The following SCGB2B2 variants were observed in gnomAD, a reference collection of about 807,000 sequenced individuals.
SCGB2B2 encodes the protein secretoglobin-like protein.
SCGB2B2 carries 11 observed loss-of-function variants against 7.6 expected under a neutral mutation model. The ratio of observed to expected loss-of-function variants is 1.45; its 90% CI spans 0.91 to 2.40. The LOEUF (loss-of-function observed/expected upper bound fraction) is 2.40. SCGB2B2 is among the 30% of genes most tolerant of loss of function. The pLI, the probability that SCGB2B2 is intolerant of heterozygous loss-of-function variation, is 0.00. For synonymous variants in SCGB2B2, 50 were observed against 48.6 expected (o/e 1.03, Z -0.12); for missense variants, 104 against 115.4 (o/e 0.90, Z 0.45).
intron 1 of SCGB2B2, among the ~76,000 whole-genome samples, chr19:34,642,956 G>A (rs1303155674): frequency 6.6e-6 from 1 of 152,116 alleles, no homozygotes; most frequent in African/African-American, 2.4e-5. Flanking sequence ...AGATACTATT[G>A]GTGGGAATGT....
intron 3 of SCGB2B2, 71 bp from the exon 4 acceptor site, chr19:34,593,670 C>T: frequency 2.3e-6 from 3 of 1,301,540 alleles, no homozygotes; most frequent in Middle Eastern, 2.1e-4. Flanking sequence ...TCGTTATTGC[C>T]CGGTCCCCGA....
intron 1 of SCGB2B2, among the ~76,000 whole-genome samples, chr19:34,667,037 C>T (rs1055788447): frequency 2.0e-5 from 3 of 152,146 alleles, no homozygotes; most frequent in Non-Finnish European, 4.4e-5. Context: ...AACACCACGA[C>T]CCCCGAGGAG....
intron 1 of SCGB2B2, among the ~76,000 whole-genome samples, chr19:34,621,659 A>ATTCT (rs1266048374): frequency 6.6e-6 from 1 of 152,264 alleles, no homozygotes; most frequent in Non-Finnish European, 1.5e-5. Flanking sequence ...TAAGCTGAGC[A>ATTCT]TTCTTTAAGA....
At chr19:34,611,524 T>C (rs1045348894) in intron 1 of SCGB2B2, among the ~76,000 whole-genome samples, 1 of 152,200 alleles carries the variant, frequency 6.6e-6, no homozygotes, top group African/African-American at 2.4e-5. Flanking sequence ...TCATCTGAAC[T>C]CTTTCTACTT....
At chr19:34,650,607 T>C (rs1056198057) in intron 1 of SCGB2B2, among the ~76,000 whole-genome samples, 1 of 151,330 alleles carries the variant, frequency 6.6e-6, no homozygotes, top group Non-Finnish European at 1.5e-5. Flanking sequence ...ATTAAATCTG[T>C]AATAAAATAT....
At chr19:34,636,291 C>T (rs757334829) in intron 1 of SCGB2B2, among the ~76,000 whole-genome samples, 1 of 152,058 alleles carries the variant, frequency 6.6e-6, no homozygotes, top group Non-Finnish European at 1.5e-5. Flanking sequence ...TGGGGGGCTA[C>T]GGGGGTTACA....
At chr19:34,649,588 C>T (rs2067110869) in intron 1 of SCGB2B2, among the ~76,000 whole-genome samples, 1 of 152,062 alleles carries the variant, frequency 6.6e-6, no homozygotes, top group African/African-American at 2.4e-5. Context: ...GTTGCTTATG[C>T]TTGTAATCCC....
chr19:34,617,468 A>G (rs2145876707), intron 1 of SCGB2B2, among the ~76,000 whole-genome samples: 1 of 151,192 alleles, frequency 6.6e-6, no homozygotes, highest in African/African-American at 2.4e-5. Flanking sequence ...GAGTTCACTC[A>G]TGATTTGGCT....
intron 1 of SCGB2B2, among the ~76,000 whole-genome samples, chr19:34,629,490 C>G (rs1025294373): frequency 2.6e-5 from 4 of 151,802 alleles, no homozygotes; most frequent in Non-Finnish European, 5.9e-5. Flanking sequence ...AAACAGAGAA[C>G]CAAATCGTGA....
intron 1 of SCGB2B2, among the ~76,000 whole-genome samples, chr19:34,674,623 T>A (rs2067877785): frequency 6.6e-6 from 1 of 152,106 alleles, no homozygotes; most frequent in South Asian, 2.1e-4. Context: ...TCACAGAGAA[T>A]TTAAGACACC....
chr19:34,617,010 A>T (rs1433892701), intron 1 of SCGB2B2, among the ~76,000 whole-genome samples: 1 of 152,036 alleles, frequency 6.6e-6, no homozygotes, highest in African/African-American at 2.4e-5. Flanking sequence ...ATGCGGCATT[A>T]TTTCTGAGGG....
At position 34,671,432 on chromosome 19, in the gene SCGB2B2, T is replaced by C. The variant is rs1293999154; in HGVS notation, c.-2032+4198A>G. Among the ~76,000 whole-genome samples the C allele has an allele frequency of 2.8e-5, 4 of 141,284 alleles. No individual in the cohort carries two copies. The South Asian group carries it at 6.8e-4, about 24-fold the overall frequency. 92.7% of individuals were successfully genotyped at this position (141,284 alleles called of 152,430 possible). ...CAGGCAATGTAATCGTTTAACTTTA[T>C]GCATCTTTTTCTTTTTTTTTTGCTA... On this transcript the variant is annotated intron_variant, in intron 1 of 3. Coordinates refer to ENST00000601241, the MANE Select transcript of SCGB2B2 (RefSeq NM_001025591.4).
intron 1 of SCGB2B2, among the ~76,000 whole-genome samples, chr19:34,610,638 A>G (rs1410434215): frequency 1.3e-5 from 2 of 152,134 alleles, no homozygotes; most frequent in African/African-American, 2.4e-5. Flanking sequence ...TTCATTCACA[A>G]TCCTTGTATT....
Position 34,676,048 on chromosome 19 carries a change from T to G in SCGB2B2, c.-2450A>C, listed in dbSNP as rs2067930769. ...CCCCAGCGCGGTTGCCGCTGGTTGT[T>G]CGGGTGGCCCGTTTTTATTCCCTTA... is the stretch of plus-strand genomic sequence containing the variant. On this transcript the variant is annotated 5_prime_UTR_variant, in exon 1 of 4. Transcript: ENST00000601241. 1 of 152,232 alleles carries G rather than the reference T, an allele frequency of 6.6e-6. No individual in the cohort carries two copies. The highest frequency in any genetic ancestry group is 1.5e-5 in the Non-Finnish European group (1 of 68,068). The allele number at this position is 152,232 out of a possible 1,614,324, so 9.4% of individuals were successfully genotyped here.
In SCGB2B2 at chr19:34,662,684, A is replaced by G. The variant is rs115919377; in HGVS notation, c.-2032+12946T>C. Among the ~76,000 whole-genome samples the G allele has an allele frequency of 6.2e-3, 946 of 152,314 alleles. 15 individuals are homozygous for G. Among genetic ancestry groups the G allele is most frequent in the African/African-American group, 0.022 (919 of 41,556 alleles). On this transcript the variant is annotated intron_variant, in intron 1 of 3. Transcript: ENST00000601241. ...AAACAAGGGCTCTTATCAAGAAAAT[A>G]TAAAGAACTCCTTTAGCACATTGGG...
intron 1 of SCGB2B2, among the ~76,000 whole-genome samples, chr19:34,599,587 A>G (rs2065561338): frequency 6.6e-6 from 1 of 152,126 alleles, no homozygotes; most frequent in South Asian, 2.1e-4. Context: ...TGTGGGGAAA[A>G]TCCCTCATGA....
chr19:34,674,524 A>C (rs981198749), intron 1 of SCGB2B2, among the ~76,000 whole-genome samples: 10 of 152,248 alleles, frequency 6.6e-5, no homozygotes, highest in Non-Finnish European at 1.3e-4. Context: ...GGAAAATTGA[A>C]ATTAAAATGT....
chr19:34,641,332 G>T (rs1299978199), intron 1 of SCGB2B2, among the ~76,000 whole-genome samples: 1 of 152,170 alleles, frequency 6.6e-6, no homozygotes, highest in East Asian at 1.9e-4. Context: ...AGATCAGCAA[G>T]AATACAATTA....
chr19:34,614,673 C>A (rs2066022426), intron 1 of SCGB2B2, among the ~76,000 whole-genome samples: 1 of 152,178 alleles, frequency 6.6e-6, no homozygotes, highest in Admixed American at 6.5e-5. Flanking sequence ...TATTTCCTTG[C>A]TTTTAAATGT....
Sources: allele counts gnomAD v4.1 joint callset (sites outside exome capture counted in the v4.1 genomes callset), GRCh38; gene constraint gnomAD v4.1.1; transcripts MANE v1.5; gene names NCBI Gene and HGNC (gene_info 2026-07-23, HGNC 2026-07-21).